The following HAUS1 variants were observed in gnomAD, a reference collection of about 807,000 sequenced individuals.
HAUS1 encodes the protein HAUS augmin-like complex subunit 1.
In HAUS1, 25 loss-of-function variants were observed where a neutral mutation model predicts 38.6. The ratio of observed to expected loss-of-function variants is 0.65; its 90% confidence interval spans 0.47 to 0.91. The LOEUF (loss-of-function observed/expected upper bound fraction) is 0.91, where lower values mean the gene tolerates loss of function less well. HAUS1 is among the 40% of genes least tolerant of loss of function. The pLI is 0.00. For synonymous variants in HAUS1, 109 were observed against 112.9 expected (o/e 0.97, Z 0.22); for missense variants, 325 against 328.4 (o/e 0.99, Z 0.08).
rs74432711 is a variant in HAUS1 at position 46,104,853 on chromosome 18, A to C, written c.31-341A>C. Among the ~76,000 whole-genome samples the C allele has an allele frequency of 5.9e-3, 890 of 150,204 alleles. 19 individuals are homozygous for C. The highest frequency in any genetic ancestry group is 0.034 in the Admixed American group (513 of 15,198). Reference sequence around the variant, plus strand: ...TGATCGAGGGACAATTGCTTTTTTCAGACCATGCACGGTCTAATAATGCGT... The same window carrying C: ...TGATCGAGGGACAATTGCTTTTTTCCGACCATGCACGGTCTAATAATGCGT... On this transcript the variant is annotated intron_variant, in intron 1 of 8. Transcript: ENST00000282058.
At chr18:46,114,658 G>C (rs1911756117) in intron 2 of HAUS1, among the ~76,000 whole-genome samples, 1 of 152,134 alleles carries the variant, frequency 6.6e-6, no homozygotes, top group African/African-American at 2.4e-5. Context: ...CAGATAGCTA[G>C]TGGCAGGATG....
At chr18:46,110,125 T>C (rs1375857848) in intron 2 of HAUS1, among the ~76,000 whole-genome samples, 5 of 151,512 alleles carry the variant, frequency 3.3e-5, no homozygotes, top group African/African-American at 1.2e-4. Flanking sequence ...CTCTGTGGTT[T>C]TTCTATCTAG....
At chr18:46,120,151 A>G (rs1911898664) in intron 4 of HAUS1, 91 bp downstream of exon 4, 1 of 853,650 alleles carries the variant, frequency 1.2e-6, no homozygotes, top group Non-Finnish European at 1.8e-6. Context: ...GTGTGATTTT[A>G]AAAACATTAG....
intron 2 of HAUS1, chr18:46,114,979 A>C (rs1475890244): frequency 1.3e-5 from 2 of 152,236 alleles, no homozygotes; most frequent in African/African-American, 4.8e-5. Flanking sequence ...ACAGAAGAGC[A>C]GGTCAGCCCA....
chr18:46,117,409 TGA>T (rs1353034329), intron 2 of HAUS1, among the ~76,000 whole-genome samples: 1 of 152,208 alleles, frequency 6.6e-6, no homozygotes, highest in Non-Finnish European at 1.5e-5. Context: ...GAAACTATTG[TGA>T]GAGAAGCTAG....
rs535070626 is a variant in HAUS1, at chr18:46,115,552, C to T, written c.206-2629C>T. Among the ~76,000 whole-genome samples the T allele has an allele frequency of 8.7e-5, 13 of 149,274 alleles. 1 individual carries two copies. The South Asian group carries it at 1.5e-3, about 17-fold the overall frequency. On this transcript the variant is annotated intron_variant, in intron 2 of 8. Coordinates refer to ENST00000282058, the MANE Select transcript of HAUS1 (RefSeq NM_138443.4). ...CTGAGGTGGGAGGATTGCTTGAGCC[C>T]GGGAAGCAGAGGTTGCAGTGAGCCA... is the stretch of plus-strand genomic sequence containing the variant.
chr18:46,123,883 A>G (rs1156464092), intron 6 of HAUS1, among the ~76,000 whole-genome samples: 1 of 152,140 alleles, frequency 6.6e-6, no homozygotes, highest in Non-Finnish European at 1.5e-5. Context: ...TTGGGATTCT[A>G]GTTCTCCCTT....
At chr18:46,127,564 G>A (rs186753059) in intron 8 of HAUS1, among the ~76,000 whole-genome samples, 6 of 151,996 alleles carry the variant, frequency 3.9e-5, no homozygotes, top group Non-Finnish European at 5.9e-5. Context: ...AAAATTAGCC[G>A]GGCATGGTGG....
At position 46,124,822 on chromosome 18, in the gene HAUS1, A is replaced by G; in HGVS notation, c.667A>G (p.Lys223Glu). The G allele has an allele frequency of 6.3e-7, 1 of 1,590,472 alleles. No individual in the cohort carries two copies. The highest frequency in any genetic ancestry group is 8.6e-7 in the Non-Finnish European group (1 of 1,160,462). Reference sequence around the variant, plus strand: ...TGTGACTGTGTTCTTTTACCCCCAGAAACTGGCAAGATTAAAGCAACAGAC... The same window carrying G: ...TGTGACTGTGTTCTTTTACCCCCAGGAACTGGCAAGATTAAAGCAACAGAC... Reference protein sequence around the residue: ...SHQSLVALSEKLARLKQQTIP... With the variant: ...SHQSLVALSEELARLKQQTIP... Residue 223 changes from lysine (K) to glutamate (E), a missense_variant and splice_region_variant, in exon 7 of 9, where the codon AAA becomes GAA. Coordinates refer to ENST00000282058, the MANE Select transcript of HAUS1 (RefSeq NM_138443.4).
rs549400308 is a variant in HAUS1 at position 46,126,145 on chromosome 18, C to T, written c.786+354C>T. Among the ~76,000 whole-genome samples the T allele has an allele frequency of 1.1e-4, 17 of 152,024 alleles. 1 individual carries two copies. In the South Asian group the frequency reaches 3.1e-3, roughly 28 times the overall value. On this transcript the variant is annotated intron_variant, in intron 8 of 8. Transcript: ENST00000282058. ...CAAAAATAAGCTGGGCGTGGTGATGCGTGCCCGTAATCCCAGCTACTTGGG... is the reference window on the plus strand; with the variant it reads ...CAAAAATAAGCTGGGCGTGGTGATGTGTGCCCGTAATCCCAGCTACTTGGG...
chr18:46,118,533 G>C, intron 3 of HAUS1: 1 of 505,744 alleles, frequency 2.0e-6, no homozygotes, highest in Non-Finnish European at 3.5e-6. Flanking sequence ...GATTTATGAA[G>C]GGTGGTTCTC....
chr18:46,105,227 C>T lies in HAUS1; in HGVS notation c.64C>T (p.His22Tyr). Residue 22 changes from histidine (H) to tyrosine (Y), a missense_variant, in exon 2 of 9, where the codon CAT (histidine) becomes TAT (tyrosine). By Grantham distance (83) the His-to-Tyr change is moderately conservative. Transcript: ENST00000282058. ...AAWLKKIFGD[H>Y]PIPQYEVNPR... Reference sequence around the variant, plus strand: ...GTGGTTAAAAAAAATATTTGGAGATCATCCTATTCCACAGTATGAGGTGAA... The same window carrying T: ...GTGGTTAAAAAAAATATTTGGAGATTATCCTATTCCACAGTATGAGGTGAA... 6.2e-7 allele frequency: 1 copy of T among 1,610,410 alleles called. No individual in the cohort carries two copies. Among genetic ancestry groups the T allele is most frequent in the Non-Finnish European group, 8.5e-7 (1 of 1,178,878 alleles).
chr18:46,111,390 T>TC (rs1162510479), intron 2 of HAUS1, among the ~76,000 whole-genome samples: 1 of 152,172 alleles, frequency 6.6e-6, no homozygotes, highest in Non-Finnish European at 1.5e-5. Context: ...AGGAGCTTGA[T>TC]CTCGGCTCAC....
chr18:46,122,786 C>CCTTA (rs1448704269), intron 5 of HAUS1, among the ~76,000 whole-genome samples, 196 bp downstream of exon 5: 9 of 152,182 alleles, frequency 5.9e-5, no homozygotes, highest in Non-Finnish European at 1.3e-4. Context: ...GAAACTCAGG[C>CCTTA]CTTACACACT....
In HAUS1 at chr18:46,105,315, T is replaced by G. The variant is rs1171718477; in HGVS notation, c.152T>G (p.Val51Gly). The change falls in exon 2 of 9, where the codon GTC becomes GGC. Residue 51 changes from valine to glycine, a missense_variant. Physicochemically the swap from Val to Gly is moderately radical, Grantham distance 109. Coordinates refer to ENST00000282058, the MANE Select transcript of HAUS1 (RefSeq NM_138443.4). Reference sequence around the variant, plus strand: ...CGCAACAGGGTCCGGGACAGGGATGTCTACCTGGTAATAGAGGACTTGAAG... The same window carrying G: ...CGCAACAGGGTCCGGGACAGGGATGGCTACCTGGTAATAGAGGACTTGAAG... The part of the protein sequence containing the change: ...SERNRVRDRD[V>G]YLVIEDLKQK... 1.9e-6 allele frequency: 3 copies of G among 1,613,406 alleles called. No individual in the cohort carries two copies. In the African/African-American group the frequency reaches 4.0e-5, roughly 22 times the overall value.
At chr18:46,108,092 A>T (rs1338284069) in intron 2 of HAUS1, among the ~76,000 whole-genome samples, 1 of 152,108 alleles carries the variant, frequency 6.6e-6, no homozygotes, top group Non-Finnish European at 1.5e-5. Context: ...TGAGGAGGCA[A>T]ATGAGAAGAA....
chr18:46,113,000 A>AT (rs1343356505), intron 2 of HAUS1, among the ~76,000 whole-genome samples: 1 of 123,804 alleles, frequency 8.1e-6, no homozygotes, highest in African/African-American at 3.3e-5. Flanking sequence ...TATATTCCAT[A>AT]TATATGGAAT....
At chr18:46,105,404 T>C in intron 2 of HAUS1, 36 bp downstream of exon 2, 1 of 1,566,832 alleles carries the variant, frequency 6.4e-7, no homozygotes, top group Non-Finnish European at 8.7e-7. Context: ...CGAGAATAAA[T>C]AGAGGTAACC....
chr18:46,111,951 T>C (rs1184011857), intron 2 of HAUS1, among the ~76,000 whole-genome samples: 6 of 149,660 alleles, frequency 4.0e-5, no homozygotes, highest in African/African-American at 1.5e-4. Context: ...AATGGCACGA[T>C]CTCAGCTCAC....
Sources: gnomAD v4.1 joint callset for allele counts (sites outside exome capture counted in the v4.1 genomes callset) on GRCh38, gnomAD v4.1.1 for gene constraint, MANE v1.5 for transcripts, NCBI Gene and HGNC (gene_info 2026-07-23, HGNC 2026-07-21) for gene names.